Variants in GPC5 observed in about 807,000 individuals in gnomAD.
The protein encoded by GPC5 is glypican-5.
GPC5 carries 47 observed loss-of-function variants against 53.9 expected under a neutral mutation model. The ratio of observed to expected loss-of-function variants is 0.87; its 90% CI spans 0.69 to 1.11. The LOEUF (loss-of-function observed/expected upper bound fraction) is 1.11. GPC5 is among the 50% of genes most tolerant of loss of function. GPC5 has a pLI of 0.00. For synonymous variants in GPC5, 286 were observed against 263.3 expected, an observed-to-expected ratio of 1.09 and a Z score of -0.84; for missense variants, 748 against 713.1, an observed-to-expected ratio of 1.05 and a Z score of -0.56.
At chr13:92,020,071 C>G (rs546297372) in intron 6 of GPC5, among the ~76,000 whole-genome samples, 3 of 152,162 alleles carry the variant, frequency 2.0e-5, no homozygotes, top group Non-Finnish European at 2.9e-5. Context: ...ACTCATATTC[C>G]TTGTCTCATA....
At chr13:91,871,883 T>C (rs1456014745) in intron 5 of GPC5, among the ~76,000 whole-genome samples, 1 of 151,964 alleles carries the variant, frequency 6.6e-6, no homozygotes, top group East Asian at 1.9e-4. Context: ...TTCAGGTGTG[T>C]GACTGAAAGA....
intron 5 of GPC5, among the ~76,000 whole-genome samples, chr13:91,812,598 A>G (rs1292762813): frequency 6.6e-6 from 1 of 152,154 alleles, no homozygotes; most frequent in African/African-American, 2.4e-5. Context: ...TCCTCTTCTA[A>G]TTCCAATCCA....
chr13:92,137,226 G>A (rs1252216981), intron 6 of GPC5, among the ~76,000 whole-genome samples: 1 of 152,142 alleles, frequency 6.6e-6, no homozygotes, highest in Non-Finnish European at 1.5e-5. Flanking sequence ...TAAGTGATTT[G>A]CCTAAAGGCA....
chr13:92,865,000 T>C (rs542161127), intron 7 of GPC5, among the ~76,000 whole-genome samples: 1 of 152,314 alleles, frequency 6.6e-6, no homozygotes, highest in African/African-American at 2.4e-5. Flanking sequence ...TTGTGACTGA[T>C]AGTGGCATGC....
intron 7 of GPC5, among the ~76,000 whole-genome samples, chr13:92,346,108 G>A (rs2043409505): frequency 6.6e-6 from 1 of 152,128 alleles, no homozygotes; most frequent in Admixed American, 6.5e-5. Context: ...GAAGTATAGA[G>A]GCTAGACCTG....
intron 7 of GPC5, among the ~76,000 whole-genome samples, chr13:92,581,367 A>G (rs1044743131): frequency 2.0e-5 from 3 of 152,078 alleles, no homozygotes; most frequent in African/African-American, 7.2e-5. Flanking sequence ...CATATCCTCC[A>G]TATTTATTCA....
chr13:92,492,131 T>C (rs370845366), intron 7 of GPC5, among the ~76,000 whole-genome samples: 6 of 152,202 alleles, frequency 3.9e-5, no homozygotes, highest in African/African-American at 1.4e-4. Context: ...GAAGCAGGTA[T>C]AGACTCAGTA....
chr13:91,653,815 A>G (rs1275725871), intron 2 of GPC5, among the ~76,000 whole-genome samples: 1 of 152,192 alleles, frequency 6.6e-6, no homozygotes, highest in African/African-American at 2.4e-5. Flanking sequence ...TAATTAACAT[A>G]CAATTAACTG....
rs150615870 is a variant in GPC5, at chr13:91,506,388, GT to G, written c.325+57469del. Among the ~76,000 whole-genome samples, 785 of 152,104 alleles carry G rather than the reference GT, an allele frequency of 5.2e-3. 13 individuals carry two copies. The highest frequency in any genetic ancestry group is 0.018 in the African/African-American group (755 of 41,522). On this transcript the variant is annotated intron_variant, in intron 2 of 7. Transcript: ENST00000377067. ...TTAAATCCATTAATCTTGTTCCCTT[GT>G]TTCTATAGATTTTAGTAATGACTTT... is the stretch of plus-strand genomic sequence containing the variant.
At chr13:92,693,948 G>A (rs984254891) in intron 7 of GPC5, among the ~76,000 whole-genome samples, 1 of 152,206 alleles carries the variant, frequency 6.6e-6, no homozygotes, top group Non-Finnish European at 1.5e-5. Flanking sequence ...GTCAGGCCCA[G>A]GGCCCTGCTA....
chr13:92,619,439 T>G (rs188517444), intron 7 of GPC5, among the ~76,000 whole-genome samples: 79 of 152,096 alleles, frequency 5.2e-4, no homozygotes, highest in African/African-American at 1.8e-3. Flanking sequence ...ATTCTTAGGT[T>G]AACACACTCT....
At chr13:92,020,494 TTCA>T (rs1465694461) in intron 6 of GPC5, among the ~76,000 whole-genome samples, 1 of 152,118 alleles carries the variant, frequency 6.6e-6, no homozygotes, top group Admixed American at 6.6e-5. Context: ...CTATTTTTTT[TTCA>T]TCATAGCCAT....
chr13:91,780,534 C>T (rs1268504705), intron 5 of GPC5, among the ~76,000 whole-genome samples: 1 of 152,052 alleles, frequency 6.6e-6, no homozygotes, highest in Admixed American at 6.6e-5. Context: ...CTTCTATGAG[C>T]TTTAAGCTTC....
At chr13:92,113,665 C>G (rs1475496633) in intron 6 of GPC5, among the ~76,000 whole-genome samples, 1 of 151,852 alleles carries the variant, frequency 6.6e-6, no homozygotes, top group East Asian at 1.9e-4. Context: ...ATACCATATA[C>G]AAGAAATCAT....
rs146240739 is a variant in GPC5, at chr13:92,487,380, T to C, written c.1561+342391T>C. 2.0e-5 allele frequency among the ~76,000 whole-genome samples: 3 copies of C among 152,280 alleles called. No individual in the cohort carries two copies. The East Asian group carries it at 5.8e-4, about 29-fold the overall frequency. Reference sequence around the variant, plus strand: ...TGTCACTGGCACTGCCTGAAGGGAATTTATAACCAGGAGACTATTGCTGTT... The same window carrying C: ...TGTCACTGGCACTGCCTGAAGGGAACTTATAACCAGGAGACTATTGCTGTT... On this transcript the variant is annotated intron_variant, in intron 7 of 7. Transcript: ENST00000377067.
At position 92,764,122 on chromosome 13, in the gene GPC5, G is replaced by A. The variant is rs979377439; in HGVS notation, c.1562-102160G>A. On this transcript the variant is annotated intron_variant, in intron 7 of 7. Coordinates refer to ENST00000377067, the MANE Select transcript of GPC5 (RefSeq NM_004466.6). ...GGCTACTCAGCTCAGCCAAGGCATC[G>A]GTTTTCTAGAAGGCAATGTACTGCT... Among the ~76,000 whole-genome samples the A allele has an allele frequency of 1.2e-4, 18 of 152,168 alleles. No homozygotes were observed. In the East Asian group the frequency reaches 2.3e-3, roughly 20 times the overall value.
At chr13:92,656,310 A>G (rs974499954) in intron 7 of GPC5, among the ~76,000 whole-genome samples, 2 of 152,210 alleles carry the variant, frequency 1.3e-5, no homozygotes, top group Admixed American at 6.5e-5. Context: ...GAAAAGACAC[A>G]GTGAAAAAAA....
At chr13:92,103,165 G>A (rs748894997) in intron 6 of GPC5, among the ~76,000 whole-genome samples, 10 of 151,994 alleles carry the variant, frequency 6.6e-5, no homozygotes, top group Non-Finnish European at 1.2e-4. Flanking sequence ...TCCTGCTTGT[G>A]AAGTTTTTTT....
At chr13:92,139,907 T>G (rs912228873) in intron 6 of GPC5, among the ~76,000 whole-genome samples, 1 of 152,150 alleles carries the variant, frequency 6.6e-6, no homozygotes, top group African/African-American at 2.4e-5. Flanking sequence ...AATAGATGTA[T>G]TTAGCGTCTA....
Sources: allele counts gnomAD v4.1 joint callset (sites outside exome capture counted in the v4.1 genomes callset), GRCh38; gene constraint gnomAD v4.1.1; transcripts MANE v1.5; gene names NCBI Gene and HGNC (gene_info 2026-07-23, HGNC 2026-07-21).